RAD51B: variants seen among roughly 807,000 people sequenced by gnomAD.
RAD51B encodes the protein RAD51 paralog B.
Under a neutral mutation model 42.2 loss-of-function variants are expected in RAD51B, and 38 were observed. The ratio of observed to expected loss-of-function variants is 0.90; its 90% CI spans 0.70 to 1.18. The LOEUF is 1.18. Ranked by LOEUF, RAD51B falls within the 50% of genes most tolerant of loss-of-function variation. RAD51B has a pLI of 0.00. For missense variants in RAD51B, 373 were observed against 400.7 expected (o/e 0.93, Z 0.59); for synonymous variants, 154 against 145.2 (o/e 1.06, Z -0.43).
intron 8 of RAD51B, among the ~76,000 whole-genome samples, chr14:68,376,395 C>T (rs2083370896): frequency 6.6e-6 from 1 of 152,234 alleles, no homozygotes; most frequent in African/African-American, 2.4e-5. Context: ...GTAATTACAA[C>T]AGCTTGAGTC....
chr14:68,290,878 C>T (rs1478352567), intron 7 of RAD51B, among the ~76,000 whole-genome samples: 1 of 152,052 alleles, frequency 6.6e-6, no homozygotes, highest in African/African-American at 2.4e-5. Flanking sequence ...ACGATCTAAG[C>T]TCACTGCAAC....
At chr14:68,644,253 A>G (rs1595044174) in intron 10 of RAD51B, among the ~76,000 whole-genome samples, 1 of 152,204 alleles carries the variant, frequency 6.6e-6, no homozygotes, top group African/African-American at 2.4e-5. Flanking sequence ...AGCTGCCCCT[A>G]TGGCCTCAGG....
At chr14:67,912,195 G>A (rs1287859177) in intron 7 of RAD51B, among the ~76,000 whole-genome samples, 4 of 152,036 alleles carry the variant, frequency 2.6e-5, no homozygotes, top group Admixed American at 1.3e-4. Context: ...TTAGATTATC[G>A]TTCTGTAATT....
rs71129897 is a variant in RAD51B, at chr14:68,549,409, ATTTTTTT to A, written c.1037-45058_1037-45052del. On this transcript the variant is annotated intron_variant, in intron 10 of 10. Transcript: ENST00000487270. ...AGTGCTTCATCCATGCCCTGGACAC[ATTTTTTT>A]TTTTTTTTTTTTTTTTTGAGACGGA... 4.7e-3 allele frequency among the ~76,000 whole-genome samples: 300 copies of A among 63,574 alleles called. 3 individuals carry two copies. The highest frequency in any genetic ancestry group is 0.012 in the African/African-American group (259 of 20,808). 41.7% of individuals were successfully genotyped at this position (63,574 alleles called of 152,430 possible). A position where few individuals can be genotyped will look rare whatever the true frequency, so the allele number is the denominator to read the frequency against.
intron 7 of RAD51B, among the ~76,000 whole-genome samples, chr14:68,284,638 G>T (rs1217761450): frequency 6.6e-6 from 1 of 152,162 alleles, no homozygotes; most frequent in Non-Finnish European, 1.5e-5. Context: ...GAAAACAATT[G>T]TTGTGCAGTC....
At chr14:68,270,285 A>G (rs1026483637) in intron 7 of RAD51B, among the ~76,000 whole-genome samples, 11 of 152,228 alleles carry the variant, frequency 7.2e-5, no homozygotes, top group African/African-American at 2.2e-4. Context: ...ACTGAAGGCC[A>G]TTCATAGAGG....
chr14:67,980,300 C>T (rs1257115801), intron 7 of RAD51B, among the ~76,000 whole-genome samples: 2 of 152,156 alleles, frequency 1.3e-5, no homozygotes, highest in Non-Finnish European at 2.9e-5. Context: ...CAAAAATTAG[C>T]TGGGCGTGCT....
chr14:68,673,975 T>C (rs1326958376), intron 11 of RAD51B, among the ~76,000 whole-genome samples: 2 of 151,846 alleles, frequency 1.3e-5, no homozygotes, highest in Non-Finnish European at 2.9e-5. Flanking sequence ...TGCACACACA[T>C]ACACATACTG....
chr14:67,924,662 A>G (rs896276257), intron 7 of RAD51B, among the ~76,000 whole-genome samples: 1 of 152,162 alleles, frequency 6.6e-6, no homozygotes, highest in Non-Finnish European at 1.5e-5. Context: ...CAGCACAGGA[A>G]ATATCCACCC....
chr14:68,044,544 A>G (rs959486164), intron 7 of RAD51B, among the ~76,000 whole-genome samples: 2 of 152,106 alleles, frequency 1.3e-5, no homozygotes, highest in Admixed American at 1.3e-4. Context: ...TTCCATCTAA[A>G]TTTTTTTAGA....
intron 10 of RAD51B, among the ~76,000 whole-genome samples, chr14:68,553,254 A>G (rs1888667500): frequency 6.6e-6 from 1 of 152,242 alleles, no homozygotes; most frequent in Non-Finnish European, 1.5e-5. Flanking sequence ...CAGGACAGCA[A>G]TCACCTTCTT....
intron 8 of RAD51B, among the ~76,000 whole-genome samples, chr14:68,308,359 T>C (rs1380166743): frequency 6.6e-6 from 1 of 152,156 alleles, no homozygotes; most frequent in Non-Finnish European, 1.5e-5. Context: ...ACCAGTGGCA[T>C]GAGTATTTTC....
Position 67,835,193 on chromosome 14 carries a change from A to G in RAD51B, c.312A>G (p.Thr104=), listed in dbSNP as rs1359437442. Residue 104 remains threonine (T), a synonymous_variant, in exon 4 of 11, where the codon ACA becomes ACG. Coordinates refer to ENST00000471583, the MANE Select transcript of RAD51B (RefSeq NM_133510.4). ...GTGGTGTGGCTTGTGGATCCCTCAC[A>G]GAGGTAAAGGAAAAATTTTTCGTAC... The part of the protein sequence containing the change: ...LHGGVACGSL[T]EITGPPGCGK... 1 of 1,610,578 alleles carries G rather than the reference A, an allele frequency of 6.2e-7. No homozygotes were observed. Among genetic ancestry groups the G allele is most frequent in the South Asian group, 1.1e-5 (1 of 90,938 alleles).
At chr14:68,286,063 A>G (rs185868348) in intron 7 of RAD51B, among the ~76,000 whole-genome samples, 31 of 152,190 alleles carry the variant, frequency 2.0e-4, no homozygotes, top group African/African-American at 7.2e-4. Context: ...TGGATATTAG[A>G]TTTATTTGTT....
At chr14:68,269,370 C>T (rs1182218291) in intron 7 of RAD51B, among the ~76,000 whole-genome samples, 1 of 152,214 alleles carries the variant, frequency 6.6e-6, no homozygotes, top group African/African-American at 2.4e-5. Context: ...CTGCTCTGAC[C>T]ACCTCTTGCA....
chr14:68,379,758 C>T (rs1417013807), intron 8 of RAD51B, among the ~76,000 whole-genome samples: 1 of 152,180 alleles, frequency 6.6e-6, no homozygotes, highest in African/African-American at 2.4e-5. Flanking sequence ...CCCTCTACTT[C>T]CCAAGAGAAT....
chr14:68,374,871 A>G (rs983956356), intron 8 of RAD51B, among the ~76,000 whole-genome samples: 5 of 151,296 alleles, frequency 3.3e-5, no homozygotes, highest in Admixed American at 6.6e-5. Context: ...CTAAATTCCT[A>G]TTGGCATCTG....
At chr14:68,150,798 A>T (rs1164525296) in intron 7 of RAD51B, among the ~76,000 whole-genome samples, 1 of 152,172 alleles carries the variant, frequency 6.6e-6, no homozygotes, top group Non-Finnish European at 1.5e-5. Context: ...AACTTATCAC[A>T]GTCTATCTTG....
intron 7 of RAD51B, among the ~76,000 whole-genome samples, chr14:68,277,877 G>C (rs1370767246): frequency 6.6e-6 from 1 of 152,088 alleles, no homozygotes; most frequent in African/African-American, 2.4e-5. Context: ...CAAATAGCTG[G>C]GACTATAGGC....
Sources: gnomAD v4.1 joint callset for allele counts (sites outside exome capture counted in the v4.1 genomes callset) on GRCh38, gnomAD v4.1.1 for gene constraint, MANE v1.5 for transcripts, NCBI Gene and HGNC (gene_info 2026-07-23, HGNC 2026-07-21) for gene names.